Variants in RNF222 observed in about 807,000 individuals in gnomAD.
RNF222 encodes the protein ring finger protein 222, also known as RING finger protein LOC643904.
RNF222 carries 14 observed loss-of-function variants against 10.8 expected under a neutral mutation model. That is an observed-to-expected ratio of 1.30 (90% CI 0.86 to 2.03). RNF222 has a LOEUF of 2.03. RNF222 is among the 30% of genes most tolerant of loss of function. The pLI, the probability that RNF222 is intolerant of heterozygous loss-of-function variation, is 0.00. For synonymous variants in RNF222, 141 were observed against 142.5 expected (o/e 0.99, Z 0.07); for missense variants, 298 against 295.8 (o/e 1.01, Z -0.06).
At position 8,391,718 on chromosome 17, in the gene RNF222, G is replaced by A. The variant is rs1327262087; in HGVS notation, c.*1081C>T. ...AACCTGAGGCTCTTCACAGTCCAAC[G>A]TGGGGGCCCCAGGCAAAGAGACCTT... is the stretch of plus-strand genomic sequence containing the variant. On this transcript the variant is annotated 3_prime_UTR_variant, in exon 3 of 3. Transcript: ENST00000399398. 2.6e-5 allele frequency: 4 copies of A among 152,220 alleles called. No homozygotes were observed. The highest frequency in any genetic ancestry group is 2.6e-4 in the Admixed American group (4 of 15,280). The allele number at this position is 152,220 out of a possible 1,614,324, so 9.4% of individuals were successfully genotyped here.
chr17:8,392,779 C>A lies in RNF222; in HGVS notation c.*20G>T, dbSNP rs1310518587. The A allele has an allele frequency of 6.5e-7, 1 of 1,530,276 alleles. No individual in the cohort carries two copies. Among genetic ancestry groups the A allele is most frequent in the Non-Finnish European group, 8.7e-7 (1 of 1,145,286 alleles). The allele number at this position is 1,530,276 out of a possible 1,614,324, so 94.8% of individuals were successfully genotyped here. On this transcript the variant is annotated 3_prime_UTR_variant, in exon 3 of 3. Transcript: ENST00000399398. This position sits in a 1 kb window ranked among gnomAD's most constrained non-coding sequence, Gnocchi z 4.3. ...CCACCCCAGGCCACGGCTAGCCCGG[C>A]GGCCTCCCTGAGGTGCGGCTCACGC... is the stretch of plus-strand genomic sequence containing the variant.
chr17:8,395,186 G>A (rs1908001027), intron 1 of RNF222, among the ~76,000 whole-genome samples: 1 of 152,252 alleles, frequency 6.6e-6, no homozygotes, highest in Admixed American at 6.5e-5. Flanking sequence ...TTGGAGGTGG[G>A]ATAAGGAATC....
In RNF222 at chr17:8,392,961, G is replaced by A. The variant is rs1414891897; in HGVS notation, c.501C>T (p.Pro167=). Residue 167 remains proline (P), a synonymous_variant, in exon 3 of 3, where the codon CCC becomes CCT. Transcript: ENST00000399398. This position sits in a 1 kb window ranked among gnomAD's most constrained non-coding sequence, Gnocchi z 4.3. ...CCGAGAGCTCTGCCAGGCTGCGGCG[G>A]GGCAGCACGCTGTCCTGCTCCCCCA... ...MPLGEQDSVL[P]RRSLAELSEA... The A allele has an allele frequency of 3.3e-6, 5 of 1,516,582 alleles. No homozygotes were observed. The East Asian group carries it at 9.8e-5, about 30-fold the overall frequency. 93.9% of individuals were successfully genotyped at this position (1,516,582 alleles called of 1,614,324 possible).
rs1907798827 is a variant in RNF222, at chr17:8,390,864, G to A, written c.*1935C>T. On this transcript the variant is annotated 3_prime_UTR_variant, in exon 3 of 3. Transcript: ENST00000399398. The stretch of plus-strand genomic sequence containing the variant: ...ACAGAATCTGAAAAGACTAGAACCA[G>A]GTTCCCAGAAATTCATGACACTGTT... 6.6e-6 allele frequency: 1 copy of A among 152,130 alleles called. No individual in the cohort carries two copies. The highest frequency in any genetic ancestry group is 2.1e-4 in the South Asian group (1 of 4,816). The allele number at this position is 152,130 out of a possible 1,614,324, so 9.4% of individuals were successfully genotyped here.
chr17:8,393,231 C>T lies in RNF222; in HGVS notation c.231G>A (p.Trp77Ter). 6.4e-7 allele frequency: 1 copy of T among 1,550,978 alleles called. No homozygotes were observed. Among genetic ancestry groups the T allele is most frequent in the Non-Finnish European group, 8.7e-7 (1 of 1,146,972 alleles). ...VTFLSKKSSR[W>*]PSMLDKSSQT... ...GGGAGCTCTTGTCCAGCATGGAGGG[C>T]CAGCGGGAGCTCTTCTTGCTGAGGA... Residue 77 changes from tryptophan (W) to a stop codon, truncating the protein, a stop_gained, in exon 3 of 3, where the codon TGG becomes TGA. Coordinates refer to ENST00000399398, the MANE Select transcript of RNF222 (RefSeq NM_001146684.3). LOFTEE classifies it high-confidence loss of function.
At chr17:8,397,599 C>T (rs1567713413) in intron 1 of RNF222, 96 bp downstream of exon 1, 3 of 152,622 alleles carry the variant, frequency 2.0e-5, no homozygotes, top group Admixed American at 6.5e-5. Flanking sequence ...CTCTCTCTCT[C>T]ATTCTCCTGC....
At chr17:8,395,090 T>C (rs1413599718) in intron 1 of RNF222, among the ~76,000 whole-genome samples, 5 of 152,208 alleles carry the variant, frequency 3.3e-5, no homozygotes, top group Admixed American at 3.3e-4. Context: ...AGATCACAAA[T>C]CTTTCAGAAT....
chr17:8,396,424 T>C (rs1908039645), intron 1 of RNF222, among the ~76,000 whole-genome samples: 1 of 152,170 alleles, frequency 6.6e-6, no homozygotes, highest in Non-Finnish European at 1.5e-5. Context: ...GGAGAGCCTC[T>C]ACTTTTCATC....
At chr17:8,397,204 A>G (rs180781744) in intron 1 of RNF222, among the ~76,000 whole-genome samples, 6 of 152,298 alleles carry the variant, frequency 3.9e-5, no homozygotes, top group Non-Finnish European at 5.9e-5. Flanking sequence ...GGTCAAAGGA[A>G]TAGAAGAAAT....
chr17:8,397,105 C>T (rs1205174025), intron 1 of RNF222, among the ~76,000 whole-genome samples: 1 of 152,128 alleles, frequency 6.6e-6, no homozygotes, highest in Non-Finnish European at 1.5e-5. Flanking sequence ...TCTTCTGATC[C>T]TGACAACAAG....
rs1171532464 is a variant in RNF222 at position 8,393,118 on chromosome 17, G to A, written c.344C>T (p.Ala115Val). 3.9e-6 allele frequency: 6 copies of A among 1,527,980 alleles called. No individual in the cohort carries two copies. The highest frequency in any genetic ancestry group is 4.4e-6 in the Non-Finnish European group (5 of 1,136,058). The allele number at this position is 1,527,980 out of a possible 1,614,324, so 94.7% of individuals were successfully genotyped here. A position where few individuals can be genotyped will look rare whatever the true frequency, so the allele number is the denominator to read the frequency against. ...GGCCTGGCCTGGAGGTGGCCTCCAG[G>A]CAGGGGAGGAGGCGGCCAGGGGGTT... is the stretch of plus-strand genomic sequence containing the variant. ...HTNPLAASSP[A>V]WRPPPGQARP... The change falls in exon 3 of 3, where the codon GCC becomes GTC. Residue 115 changes from alanine (A) to valine (V), a missense_variant. Transcript: ENST00000399398.
In RNF222 at chr17:8,390,791, C is replaced by T. The variant is rs1348091482; in HGVS notation, c.*2008G>A. ...GTTGCAGCTACAGGTCACCATTGAA[C>T]ATACAAAAACACTGAGAGTATGTTG... On this transcript the variant is annotated 3_prime_UTR_variant, in exon 3 of 3. Transcript: ENST00000399398. 1 of 152,108 alleles carries T rather than the reference C, an allele frequency of 6.6e-6. No individual in the cohort carries two copies. The highest frequency in any genetic ancestry group is 2.4e-5 in the African/African-American group (1 of 41,402). The allele number at this position is 152,108 out of a possible 1,614,324, so 9.4% of individuals were successfully genotyped here.
In RNF222 at chr17:8,391,460, T is replaced by C. The variant is rs62064335; in HGVS notation, c.*1339A>G. On this transcript the variant is annotated 3_prime_UTR_variant, in exon 3 of 3. Coordinates refer to ENST00000399398, the MANE Select transcript of RNF222 (RefSeq NM_001146684.3). Reference sequence around the variant, plus strand: ...ACCAGCACTGCAGGCATTTAGGAACTAGATAAAACGTAGACTGCTATTTCT... The same window carrying C: ...ACCAGCACTGCAGGCATTTAGGAACCAGATAAAACGTAGACTGCTATTTCT... The C allele has an allele frequency of 0.16, 24,553 of 151,918 alleles. 2,128 individuals are homozygous for C. Among genetic ancestry groups the C allele is most frequent in the Middle Eastern group, 0.22 (66 of 294 alleles). The allele number at this position is 151,918 out of a possible 1,614,324, so 9.4% of individuals were successfully genotyped here. A position where few individuals can be genotyped will look rare whatever the true frequency, so the allele number is the denominator to read the frequency against.
rs1435321125 is a variant in RNF222, at chr17:8,391,375, C to G, written c.*1424G>C. On this transcript the variant is annotated 3_prime_UTR_variant, in exon 3 of 3. Transcript: ENST00000399398. ...AGCCCACAAGTGCTTTTAAAGCAGC[C>G]CTCTCTATGTCCCAAATATCCCCTG... 6.6e-6 allele frequency: 1 copy of G among 152,134 alleles called. No individual in the cohort carries two copies. The highest frequency in any genetic ancestry group is 2.4e-5 in the African/African-American group (1 of 41,412). 9.4% of individuals were successfully genotyped at this position (152,134 alleles called of 1,614,324 possible). A position where few individuals can be genotyped will look rare whatever the true frequency, so the allele number is the denominator to read the frequency against.
At position 8,392,910 on chromosome 17, in the gene RNF222, G is replaced by A. The variant is rs1350854906; in HGVS notation, c.552C>T (p.Ala184=). The A allele has an allele frequency of 3.3e-6, 5 of 1,531,286 alleles. No individual in the cohort carries two copies. Among genetic ancestry groups the A allele is most frequent in the Non-Finnish European group, 3.5e-6 (4 of 1,144,798 alleles). 94.9% of individuals were successfully genotyped at this position (1,531,286 alleles called of 1,614,324 possible). Residue 184 remains alanine (A), a synonymous_variant, in exon 3 of 3, where the codon GCC becomes GCT. Transcript: ENST00000399398. The surrounding 1 kb of genome is among the most constrained non-coding windows in gnomAD (Gnocchi z 4.3). ...LSEASLAPRS[A]RAFCCRSRAL... Reference sequence around the variant, plus strand: ...CCCGCGATCGGCAGCAGAAGGCGCGGGCGGAGCGGGGCGCCAGGGAGGCCT... The same window carrying A: ...CCCGCGATCGGCAGCAGAAGGCGCGAGCGGAGCGGGGCGCCAGGGAGGCCT...
intron 2 of RNF222, among the ~76,000 whole-genome samples, 167 bp from the exon 3 acceptor site, chr17:8,393,653 C>G (rs752942731): frequency 6.6e-6 from 1 of 152,146 alleles, no homozygotes; most frequent in Non-Finnish European, 1.5e-5. Flanking sequence ...CCTCTATGGC[C>G]CACCTGACTC....
At position 8,391,582 on chromosome 17, in the gene RNF222, A is replaced by G; in HGVS notation, c.*1217T>C. 1 of 151,920 alleles carries G rather than the reference A, an allele frequency of 6.6e-6. No homozygotes were observed. Among genetic ancestry groups the G allele is most frequent in the East Asian group, 1.9e-4 (1 of 5,146 alleles). 9.4% of individuals were successfully genotyped at this position (151,920 alleles called of 1,614,324 possible). A position where few individuals can be genotyped will look rare whatever the true frequency, so the allele number is the denominator to read the frequency against. The stretch of plus-strand genomic sequence containing the variant: ...CACAGCTGGGTGCAGACCACCACTT[A>G]GTTGAGATAATTGCTGGAGGTTTTT... On this transcript the variant is annotated 3_prime_UTR_variant, in exon 3 of 3. Transcript: ENST00000399398.
rs1907895908 is a variant in RNF222, at chr17:8,392,934, C to T, written c.528G>A (p.Glu176=). Reference sequence around the variant, plus strand: ...GGGCGGAGCGGGGCGCCAGGGAGGCCTCCGAGAGCTCTGCCAGGCTGCGGC... The same window carrying T: ...GGGCGGAGCGGGGCGCCAGGGAGGCTTCCGAGAGCTCTGCCAGGCTGCGGC... The part of the protein sequence containing the change: ...LPRRSLAELS[E]ASLAPRSARA... The change falls in exon 3 of 3, where the codon GAG becomes GAA. Residue 176 remains glutamate, a synonymous_variant. Coordinates refer to ENST00000399398, the MANE Select transcript of RNF222 (RefSeq NM_001146684.3). The surrounding 1 kb of genome is among the most constrained non-coding windows in gnomAD (Gnocchi z 4.3). 1 of 1,528,282 alleles carries T rather than the reference C, an allele frequency of 6.5e-7. No homozygotes were observed. The highest frequency in any genetic ancestry group is 8.7e-7 in the Non-Finnish European group (1 of 1,143,244). 94.7% of individuals were successfully genotyped at this position (1,528,282 alleles called of 1,614,324 possible).
rs1252632826 is a variant in RNF222, at chr17:8,392,643, C to A, written c.*156G>T. 1 of 918,060 alleles carries A rather than the reference C, an allele frequency of 1.1e-6. No homozygotes were observed. Among genetic ancestry groups the A allele is most frequent in the African/African-American group, 1.7e-5 (1 of 57,250 alleles). 56.9% of individuals were successfully genotyped at this position (918,060 alleles called of 1,614,324 possible). A position where few individuals can be genotyped will look rare whatever the true frequency, so the allele number is the denominator to read the frequency against. ...CAGCCTCTCTGTCGAGCGGAAGCCC[C>A]TGCGGGGGTCGGGGAAGCCCAAGGC... On this transcript the variant is annotated 3_prime_UTR_variant, in exon 3 of 3. Transcript: ENST00000399398. The surrounding 1 kb of genome is among the most constrained non-coding windows in gnomAD (Gnocchi z 4.3).
Sources: allele counts gnomAD v4.1 joint callset (sites outside exome capture counted in the v4.1 genomes callset), GRCh38; gene constraint gnomAD v4.1.1; non-coding constraint Gnocchi (gnomAD v3.1); transcripts MANE v1.5; gene names NCBI Gene and HGNC (gene_info 2026-07-23, HGNC 2026-07-21).